The following SMURF2 variants were observed in gnomAD, a reference collection of about 807,000 sequenced individuals.
The protein encoded by SMURF2 is E3 ubiquitin-protein ligase SMURF2.
SMURF2 carries 48 observed loss-of-function variants against 109.6 expected under a neutral mutation model. That is an observed-to-expected ratio of 0.44 (90% confidence interval 0.35 to 0.56). The LOEUF (loss-of-function observed/expected upper bound fraction) is 0.56, where lower values mean the gene tolerates loss of function less well. Among genes scored for constraint, SMURF2 ranks in the 20% least tolerant of loss-of-function variants. The pLI is 0.01. For missense variants in SMURF2, 575 were observed against 909.0 expected (o/e 0.63, Z 4.72); for synonymous variants, 288 against 317.1 (o/e 0.91, Z 0.97).
At chr17:64,546,209 G>T in intron 18 of SMURF2, 54 bp downstream of exon 18, 1 of 1,542,764 alleles carries the variant, frequency 6.5e-7, no homozygotes, top group Non-Finnish European at 9.0e-7. Flanking sequence ...AAATCTGTTT[G>T]GAACTAACAC....
In SMURF2 at chr17:64,542,666, G is replaced by A. The variant is rs1555682700; in HGVS notation, c.*3182C>T. On this transcript the variant is annotated 3_prime_UTR_variant, in exon 19 of 19. Coordinates refer to ENST00000262435, the MANE Select transcript of SMURF2 (RefSeq NM_022739.4). ...GGAGCCACTCTCCCAAACTAAGGAT[G>A]GTTGGAACAGCCTCTAACTCCCAAC... 5 of 152,108 alleles carry A rather than the reference G, an allele frequency of 3.3e-5. No homozygotes were observed. The highest frequency in any genetic ancestry group is 7.2e-5 in the African/African-American group (3 of 41,420). 9.4% of individuals were successfully genotyped at this position (152,108 alleles called of 1,614,324 possible).
Position 64,545,749 on chromosome 17 carries a change from T to TGG in SMURF2, c.*98_*99insCC. ...AAAAAAAAAAGGGGGGGGGGGGGAGTGTTTTCCTGTATTTCAGCATATTCT... is the reference window on the plus strand; with the variant it reads ...AAAAAAAAAAGGGGGGGGGGGGGAGTGGGTTTTCCTGTATTTCAGCATATTCT... On this transcript the variant is annotated 3_prime_UTR_variant, in exon 19 of 19. Transcript: ENST00000262435. 1 of 226,572 alleles carries TGG rather than the reference T, an allele frequency of 4.4e-6. No homozygotes were observed. Among genetic ancestry groups the TGG allele is most frequent in the Non-Finnish European group, 7.7e-6 (1 of 130,268 alleles). The allele number at this position is 226,572 out of a possible 1,614,324, so 14.0% of individuals were successfully genotyped here.
chr17:64,656,690 C>T (rs1026251536), intron 1 of SMURF2, among the ~76,000 whole-genome samples: 2 of 151,820 alleles, frequency 1.3e-5, no homozygotes, highest in African/African-American at 4.8e-5. Context: ...ATCAAAGTTA[C>T]CTACACCAAG....
chr17:64,569,924 A>C (rs1969375006), intron 10 of SMURF2, among the ~76,000 whole-genome samples: 1 of 152,216 alleles, frequency 6.6e-6, no homozygotes, highest in African/African-American at 2.4e-5. Context: ...TAATGCACAG[A>C]AACAGTCCAT....
chr17:64,567,452 CATT>C (rs1283693165), intron 10 of SMURF2, among the ~76,000 whole-genome samples: 4 of 152,148 alleles, frequency 2.6e-5, no homozygotes, highest in Non-Finnish European at 5.9e-5. Flanking sequence ...TCCTTCAGAA[CATT>C]ATTTTTCATT....
At chr17:64,572,089 G>A in intron 9 of SMURF2, 133 bp from the exon 10 acceptor site, 1 of 766,166 alleles carries the variant, frequency 1.3e-6, no homozygotes, top group East Asian at 3.0e-5. Flanking sequence ...TGTTCAGCTG[G>A]AATCTTTAAT....
intron 10 of SMURF2, among the ~76,000 whole-genome samples, chr17:64,570,952 A>T (rs1004101549): frequency 2.6e-5 from 4 of 152,030 alleles, no homozygotes; most frequent in Non-Finnish European, 2.9e-5. Context: ...AGCTAATTTT[A>T]AAAAAATTTT....
intron 1 of SMURF2, among the ~76,000 whole-genome samples, chr17:64,621,096 T>G (rs1970194816): frequency 6.6e-6 from 1 of 152,218 alleles, no homozygotes; most frequent in African/African-American, 2.4e-5. Context: ...TTTGCCTTGT[T>G]TCTGTAACAT....
At chr17:64,588,334 T>C (rs1424787351) in intron 5 of SMURF2, among the ~76,000 whole-genome samples, 1 of 151,992 alleles carries the variant, frequency 6.6e-6, no homozygotes, top group Non-Finnish European at 1.5e-5. Context: ...ATTTGGGAGA[T>C]TCTTTTCTAA....
rs372668466 is a variant in SMURF2 at position 64,590,247 on chromosome 17, T to C, written c.400+837A>G. 1.5e-3 allele frequency among the ~76,000 whole-genome samples: 224 copies of C among 151,562 alleles called. 2 individuals are homozygous for C. In the South Asian group the frequency reaches 0.044, roughly 30 times the overall value. On this transcript the variant is annotated intron_variant, in intron 5 of 18. Transcript: ENST00000262435. ...ACCTTCGCCTCCTGGGTTCAAGCGATTCTCCTGCCTCAGCCTCCCGAGTAG... is the reference window on the plus strand; with the variant it reads ...ACCTTCGCCTCCTGGGTTCAAGCGACTCTCCTGCCTCAGCCTCCCGAGTAG...
At position 64,543,275 on chromosome 17, in the gene SMURF2, T is replaced by A. The variant is rs1555682780; in HGVS notation, c.*2573A>T. On this transcript the variant is annotated 3_prime_UTR_variant, in exon 19 of 19. Transcript: ENST00000262435. ...ACTGTTATGGAGAGTAATTTCTTTT[T>A]TTTTTTTTTTTGGGCGGGGACGGAG... 1 of 151,638 alleles carries A rather than the reference T, an allele frequency of 6.6e-6. No homozygotes were observed. The highest frequency in any genetic ancestry group is 1.9e-4 in the East Asian group (1 of 5,178). The allele number at this position is 151,638 out of a possible 1,614,324, so 9.4% of individuals were successfully genotyped here.
intron 1 of SMURF2, among the ~76,000 whole-genome samples, chr17:64,633,965 T>C (rs1302262154): frequency 6.6e-6 from 1 of 152,140 alleles, no homozygotes; most frequent in East Asian, 1.9e-4. Flanking sequence ...GAGACCAGCA[T>C]GGCCAACATG....
chr17:64,609,282 A>G (rs538244280), intron 1 of SMURF2, among the ~76,000 whole-genome samples: 1 of 152,352 alleles, frequency 6.6e-6, no homozygotes, highest in East Asian at 1.9e-4. Flanking sequence ...TTTAAATTTC[A>G]TATGGAACCA....
chr17:64,565,105 G>A (rs1969281611), intron 10 of SMURF2, among the ~76,000 whole-genome samples: 1 of 152,094 alleles, frequency 6.6e-6, no homozygotes, highest in South Asian at 2.1e-4. Context: ...CAGATATCAG[G>A]CCTCTTCACA....
chr17:64,559,490 G>A (rs1320698944), intron 12 of SMURF2, among the ~76,000 whole-genome samples: 2 of 151,860 alleles, frequency 1.3e-5, no homozygotes, highest in Non-Finnish European at 2.9e-5. Context: ...CTACCCGGGA[G>A]ACTGAGGCTG....
At chr17:64,596,729 A>G (rs1969824603) in intron 3 of SMURF2, among the ~76,000 whole-genome samples, 1 of 152,084 alleles carries the variant, frequency 6.6e-6, no homozygotes, top group Non-Finnish European at 1.5e-5. Flanking sequence ...GAAAGAGAAC[A>G]CAGACTCCCA....
intron 1 of SMURF2, among the ~76,000 whole-genome samples, chr17:64,610,450 C>T (rs1189875733): frequency 6.6e-6 from 1 of 152,154 alleles, no homozygotes; most frequent in Non-Finnish European, 1.5e-5. Flanking sequence ...AGTTCATGTC[C>T]TTTGCAGGGA....
intron 1 of SMURF2, among the ~76,000 whole-genome samples, chr17:64,634,030 T>G (rs1347243812): frequency 6.6e-6 from 1 of 152,130 alleles, no homozygotes; most frequent in Non-Finnish European, 1.5e-5. Flanking sequence ...GGTGCGCGCC[T>G]GTAATCCCAG....
intron 10 of SMURF2, among the ~76,000 whole-genome samples, chr17:64,569,829 C>A (rs925883962): frequency 5.9e-5 from 9 of 152,218 alleles, no homozygotes; most frequent in African/African-American, 2.2e-4. Context: ...AGCAATTCCA[C>A]AACCAGGCAA....
Sources: allele counts gnomAD v4.1 joint callset (sites outside exome capture counted in the v4.1 genomes callset), GRCh38; gene constraint gnomAD v4.1.1; transcripts MANE v1.5; gene names NCBI Gene and HGNC (gene_info 2026-07-23, HGNC 2026-07-21).